The following SH3TC2 variants were observed in gnomAD, a reference collection of about 807,000 sequenced individuals.
The protein encoded by SH3TC2 is SH3 domain and tetratricopeptide repeats 2, also known as SH3 domain and tetratricopeptide repeat-containing protein 2.
Under a neutral mutation model 124.5 loss-of-function variants are expected in SH3TC2, and 87 were observed. That is an observed-to-expected ratio of 0.70 (90% confidence interval 0.59 to 0.84). The LOEUF (loss-of-function observed/expected upper bound fraction) is 0.84. Ranked by LOEUF, SH3TC2 falls within the 40% of genes least tolerant of loss-of-function variation. The pLI, the probability that SH3TC2 is intolerant of heterozygous loss-of-function variation, is 0.00. For missense variants in SH3TC2, 1,536 were observed against 1,566.4 expected (o/e 0.98, Z 0.33); for synonymous variants, 634 against 628.5 (o/e 1.01, Z -0.13).
At chr5:149,045,937 AC>A (rs1754455857) in intron 3 of SH3TC2, 1 of 414,236 alleles carries the variant, frequency 2.4e-6, no homozygotes, top group South Asian at 1.7e-5. Context: ...GAGCCACCGC[AC>A]CCGGCCTGGT....
At chr5:149,034,452 A>G in intron 8 of SH3TC2, 1 of 404,236 alleles carries the variant, frequency 2.5e-6, no homozygotes, top group Non-Finnish European at 4.9e-6. Context: ...ATTCAAAGGA[A>G]GAAGGACTGA....
chr5:149,047,777 C>G, intron 3 of SH3TC2, 85 bp downstream of exon 3: 1 of 1,573,892 alleles, frequency 6.4e-7, no homozygotes, highest in Non-Finnish European at 8.7e-7. Context: ...CTACTTTGTT[C>G]CAGATGCTGT....
rs149921013 is a variant in SH3TC2 at position 148,999,776 on chromosome 5, T to A, written c.*4935A>T. ...TAGTCTCATGCTGCTTCTAGAATCA[T>A]CTTTCCAAAGCACAAATCTGACCAT... On this transcript the variant is annotated 3_prime_UTR_variant, in exon 17 of 17. Transcript: ENST00000515425. 1.4e-3 allele frequency among the ~76,000 whole-genome samples: 210 copies of A among 152,312 alleles called. No homozygotes were observed. Among genetic ancestry groups the A allele is most frequent in the Middle Eastern group, 6.8e-3 (2 of 294 alleles).
intron 16 of SH3TC2, among the ~76,000 whole-genome samples, chr5:149,005,853 G>A (rs1349576962): frequency 6.6e-6 from 1 of 152,152 alleles, no homozygotes; most frequent in Non-Finnish European, 1.5e-5. Flanking sequence ...TAAGGGTTGT[G>A]CTTCAGGGGA....
At position 149,045,953 on chromosome 5, in the gene SH3TC2, T is replaced by C. The variant is rs1368436841; in HGVS notation, c.280-1315A>G. The C allele has an allele frequency of 4.7e-6, 2 of 426,564 alleles. 1 individual carries two copies. The highest frequency in any genetic ancestry group is 5.2e-5 in the Admixed American group (2 of 38,250). The allele number at this position is 426,564 out of a possible 1,614,324, so 26.4% of individuals were successfully genotyped here. On this transcript the variant is annotated intron_variant, in intron 3 of 16. Coordinates refer to ENST00000515425, the MANE Select transcript of SH3TC2 (RefSeq NM_024577.4). The stretch of plus-strand genomic sequence containing the variant: ...AGCCACCGCACCCGGCCTGGTTTTT[T>C]TATAATACCTAAAAAAAAAGCAGGT...
Position 148,992,784 on chromosome 5 carries a change from A to G in SH3TC2, c.*11927T>C, listed in dbSNP as rs75711075. Among the ~76,000 whole-genome samples, 11 of 152,108 alleles carry G rather than the reference A, an allele frequency of 7.2e-5. No individual in the cohort carries two copies. In the East Asian group the frequency reaches 1.7e-3, roughly 24 times the overall value. ...ACCCCAATCCCACTGCTCTTTAACT[A>G]CATCACACTGAGCTAACTCATCCCT... On this transcript the variant is annotated 3_prime_UTR_variant, in exon 17 of 17. Coordinates refer to ENST00000515425, the MANE Select transcript of SH3TC2 (RefSeq NM_024577.4).
rs146901634 is a variant in SH3TC2 at position 149,001,165 on chromosome 5, A to AACAC, written c.*3542_*3545dup. Among the ~76,000 whole-genome samples, 3 of 151,466 alleles carry AACAC rather than the reference A, an allele frequency of 2.0e-5. No homozygotes were observed. The highest frequency in any genetic ancestry group is 6.6e-5 in the Admixed American group (1 of 15,166). On this transcript the variant is annotated 3_prime_UTR_variant, in exon 17 of 17. Coordinates refer to ENST00000515425, the MANE Select transcript of SH3TC2 (RefSeq NM_024577.4). ...TATATTTACAAAGAGGAAGAAAATG[A>AACAC]ACACACACACACACACATACATATA...
At chr5:149,048,068 C>T (rs1405423105) in intron 2 of SH3TC2, 79 bp from the exon 3 acceptor site, 2 of 1,588,156 alleles carry the variant, frequency 1.3e-6, no homozygotes, top group Non-Finnish European at 8.6e-7. Context: ...CCCACAGTTT[C>T]CCCTACATGT....
rs1035807555 is a variant in SH3TC2 at position 148,995,765 on chromosome 5, G to A, written c.*8946C>T. Among the ~76,000 whole-genome samples the A allele has an allele frequency of 2.0e-5, 3 of 152,032 alleles. No homozygotes were observed. The highest frequency in any genetic ancestry group is 4.4e-5 in the Non-Finnish European group (3 of 68,022). On this transcript the variant is annotated 3_prime_UTR_variant, in exon 17 of 17. Coordinates refer to ENST00000515425, the MANE Select transcript of SH3TC2 (RefSeq NM_024577.4). The stretch of plus-strand genomic sequence containing the variant: ...CTGGGCTCCAGAAATACAGAGCTGA[G>A]TGACCCAAATAAGATTCCTGTTTTC...
intron 12 of SH3TC2, 63 bp from the exon 13 acceptor site, chr5:149,012,797 A>C: frequency 6.3e-7 from 1 of 1,578,392 alleles, no homozygotes; most frequent in Non-Finnish European, 8.7e-7. Flanking sequence ...TCCACTCAGC[A>C]CAGGATGAAA....
rs1303426395 is a variant in SH3TC2 at position 148,983,706 on chromosome 5, G to A, written c.*21005C>T. On this transcript the variant is annotated 3_prime_UTR_variant, in exon 17 of 17. Transcript: ENST00000515425. Reference sequence around the variant, plus strand: ...CCCTGAATTCAGATGTCCCAGACTGGTCAAATAATGGTATTCTACTTCCCT... The same window carrying A: ...CCCTGAATTCAGATGTCCCAGACTGATCAAATAATGGTATTCTACTTCCCT... Among the ~76,000 whole-genome samples, 1 of 152,110 alleles carries A rather than the reference G, an allele frequency of 6.6e-6. No individual in the cohort carries two copies. Among genetic ancestry groups the A allele is most frequent in the African/African-American group, 2.4e-5 (1 of 41,426 alleles).
Position 149,047,924 on chromosome 5 carries a change from C to T in SH3TC2, c.217G>A (p.Ala73Thr). The change falls in exon 3 of 17, where the codon GCT (alanine) becomes ACT (threonine). Residue 73 changes from alanine to threonine, a missense_variant. Ala to Thr is a moderately conservative substitution (Grantham distance 58). Coordinates refer to ENST00000515425, the MANE Select transcript of SH3TC2 (RefSeq NM_024577.4). ...AGTGCCCAGAGCCGCCTCCGAGCAGCTTCCTGTAGGGGTCCATTTACACAC... is the reference window on the plus strand; with the variant it reads ...AGTGCCCAGAGCCGCCTCCGAGCAGTTTCCTGTAGGGGTCCATTTACACAC... ...RRCVNGPLQE[A>T]ARRRLWALEN... is the part of the protein sequence containing the mutation. The T allele has an allele frequency of 6.2e-7, 1 of 1,614,164 alleles. No individual in the cohort carries two copies. Among genetic ancestry groups the T allele is most frequent in the Non-Finnish European group, 8.5e-7 (1 of 1,180,018 alleles).
In SH3TC2 at chr5:149,027,615, A is replaced by G. The variant is rs1017429497; in HGVS notation, c.2117T>C (p.Leu706Pro). The change falls in exon 11 of 17, where the codon CTT (leucine) becomes CCT (proline). Residue 706 changes from leucine to proline, a missense_variant. Leu to Pro is a moderately conservative substitution (Grantham distance 98). Transcript: ENST00000515425. ...GACAAGGTGGACCTGCCAAATAGGAAGAGACATCCCTTGGGCACTCTGGAT... is the reference window on the plus strand; with the variant it reads ...GACAAGGTGGACCTGCCAAATAGGAGGAGACATCCCTTGGGCACTCTGGAT... ...HGIQSAQGMS[L>P]PIWQVHLVLQ... is the part of the protein sequence containing the mutation. 3.1e-6 allele frequency: 5 copies of G among 1,614,134 alleles called. No homozygotes were observed. Among genetic ancestry groups the G allele is most frequent in the Non-Finnish European group, 4.2e-6 (5 of 1,180,050 alleles).
At chr5:149,023,197 G>T (rs1754004914) in intron 12 of SH3TC2, among the ~76,000 whole-genome samples, 1 of 152,036 alleles carries the variant, frequency 6.6e-6, no homozygotes, top group Non-Finnish European at 1.5e-5. Context: ...GTGGGTATTT[G>T]GATTGTTTTT....
At chr5:149,050,696 T>C (rs1020977248) in intron 2 of SH3TC2, among the ~76,000 whole-genome samples, 1 of 152,286 alleles carries the variant, frequency 6.6e-6, no homozygotes, top group African/African-American at 2.4e-5. Context: ...GAATTTGAAA[T>C]TGGGCTTATG....
chr5:149,021,032 G>C (rs1027362600), intron 12 of SH3TC2, among the ~76,000 whole-genome samples: 1 of 152,010 alleles, frequency 6.6e-6, no homozygotes, highest in African/African-American at 2.4e-5. Context: ...ACCATATGTT[G>C]GGCCACCAAA....
rs1392401635 is a variant in SH3TC2 at position 148,986,746 on chromosome 5, C to T, written c.*17965G>A. On this transcript the variant is annotated 3_prime_UTR_variant, in exon 17 of 17. Transcript: ENST00000515425. Reference sequence around the variant, plus strand: ...GCCAAATCAGAGCATAAGAATTGCTCAGTCAACCAAATGTGACGAGCCTAA... The same window carrying T: ...GCCAAATCAGAGCATAAGAATTGCTTAGTCAACCAAATGTGACGAGCCTAA... Among the ~76,000 whole-genome samples, 1 of 152,162 alleles carries T rather than the reference C, an allele frequency of 6.6e-6. No individual in the cohort carries two copies. Among genetic ancestry groups the T allele is most frequent in the Non-Finnish European group, 1.5e-5 (1 of 68,034 alleles).
rs575240679 is a variant in SH3TC2 at position 149,021,506 on chromosome 5, T to A, written c.3053+5066A>T. ...AATTTAATTTGTTTAAAATGTTTTT[T>A]TAATGACAGATCTCTGGCTAGTCTG... is the stretch of plus-strand genomic sequence containing the variant. On this transcript the variant is annotated intron_variant, in intron 12 of 16. Transcript: ENST00000515425. 1.1e-3 allele frequency among the ~76,000 whole-genome samples: 161 copies of A among 152,076 alleles called. No homozygotes were observed. In the South Asian group the frequency reaches 0.013, roughly 12 times the overall value.
At chr5:149,062,407 C>A in intron 1 of SH3TC2, 1 of 530,594 alleles carries the variant, frequency 1.9e-6, no homozygotes, top group East Asian at 5.5e-5. Context: ...GCTGGTCACC[C>A]TAAGTCACTC....
Sources: allele counts gnomAD v4.1 joint callset (sites outside exome capture counted in the v4.1 genomes callset), GRCh38; gene constraint gnomAD v4.1.1; transcripts MANE v1.5; gene names NCBI Gene and HGNC (gene_info 2026-07-23, HGNC 2026-07-21).